NTN1: variants seen among roughly 807,000 people sequenced by gnomAD.
The protein encoded by NTN1 is netrin 1.
In NTN1, 11 loss-of-function variants were observed where a neutral mutation model predicts 54.2. The ratio of observed to expected loss-of-function variants is 0.20; its 90% CI spans 0.13 to 0.34. The LOEUF (loss-of-function observed/expected upper bound fraction) is 0.34. Ranked by LOEUF, NTN1 falls within the 10% of genes least tolerant of loss-of-function variation. The probability of loss-of-function intolerance (pLI) is 1.00; values close to 1 mark genes in which losing one functional copy is unlikely to be tolerated. For missense variants in NTN1, 740 were observed against 893.1 expected (o/e 0.83, Z 2.18); for synonymous variants, 371 against 382.0 (o/e 0.97, Z 0.33).
chr17:9,050,275 T>A (rs997341245), intron 2 of NTN1, among the ~76,000 whole-genome samples: 3 of 150,736 alleles, frequency 2.0e-5, no homozygotes, highest in South Asian at 4.2e-4. Flanking sequence ...AAAAATAAAA[T>A]AAAAATAAAT....
intron 2 of NTN1, among the ~76,000 whole-genome samples, chr17:9,090,440 C>T (rs185571143): frequency 6.6e-6 from 1 of 152,252 alleles, no homozygotes; most frequent in African/African-American, 2.4e-5. Context: ...TCCCAGAGTG[C>T]TGGGATTACA....
intron 2 of NTN1, among the ~76,000 whole-genome samples, chr17:9,106,496 C>G (rs1162614056): frequency 9.0e-5 from 13 of 145,010 alleles, no homozygotes; most frequent in African/African-American, 3.3e-4. Context: ...TTCCTTCCTT[C>G]CTTCCTTCCT....
chr17:9,235,525 G>C (rs1173233580), intron 6 of NTN1, among the ~76,000 whole-genome samples: 1 of 152,264 alleles, frequency 6.6e-6, no homozygotes, highest in South Asian at 2.1e-4. Context: ...TCAGTTCTGG[G>C]CTGCTGCAAC....
chr17:9,075,530 TTAAA>T (rs1222204410), intron 2 of NTN1, among the ~76,000 whole-genome samples: 1 of 152,098 alleles, frequency 6.6e-6, no homozygotes, highest in Middle Eastern at 3.4e-3. Context: ...TAAAAAAAAC[TTAAA>T]TAAAACGGGG....
At chr17:9,077,680 T>A (rs1297920734) in intron 2 of NTN1, among the ~76,000 whole-genome samples, 8 of 152,168 alleles carry the variant, frequency 5.3e-5, no homozygotes, top group Non-Finnish European at 8.8e-5. Flanking sequence ...TTACTGCTAA[T>A]AAAATATCCA....
chr17:9,103,613 G>A (rs2092157053), intron 2 of NTN1, among the ~76,000 whole-genome samples: 1 of 152,082 alleles, frequency 6.6e-6, no homozygotes, highest in East Asian at 1.9e-4. Context: ...TCAATTAAGC[G>A]TCTTTCCTTT....
chr17:9,094,407 G>T (rs973635150), intron 2 of NTN1, among the ~76,000 whole-genome samples: 2 of 151,902 alleles, frequency 1.3e-5, no homozygotes, highest in Non-Finnish European at 2.9e-5. Context: ...GAGTCAGAGG[G>T]TGTGTGTGTA....
chr17:9,180,901 A>C (rs575322480), intron 4 of NTN1, among the ~76,000 whole-genome samples: 1 of 152,342 alleles, frequency 6.6e-6, no homozygotes, highest in African/African-American at 2.4e-5. Context: ...CAGTTTGTCA[A>C]AATCCTTCTG....
chr17:9,154,262 T>C (rs746673285), intron 2 of NTN1, among the ~76,000 whole-genome samples: 8 of 152,240 alleles, frequency 5.3e-5, no homozygotes, highest in Non-Finnish European at 1.2e-4. Flanking sequence ...GGGACCATGA[T>C]TGTCCTGCTC....
rs55880198 is a variant in NTN1 at position 9,096,366 on chromosome 17, C to CCTTTTTTTTTTTTTTTTT, written c.1019-66447_1019-66446insCTTTTTTTTTTTTTTTTT. ...TGTCTTCCTGGGTTTTATGGGTAGA[C>CCTTTTTTTTTTTTTTTTT]TTTTTTTTTTTTTTTTTTTTTTGAG... On this transcript the variant is annotated intron_variant, in intron 2 of 6. Transcript: ENST00000173229. Among the ~76,000 whole-genome samples the CCTTTTTTTTTTTTTTTTT allele has an allele frequency of 2.2e-5, 2 of 91,510 alleles. 1 individual carries two copies. Among genetic ancestry groups the CCTTTTTTTTTTTTTTTTT allele is most frequent in the Non-Finnish European group, 4.1e-5 (2 of 49,116 alleles). 60.0% of individuals were successfully genotyped at this position (91,510 alleles called of 152,430 possible). A position where few individuals can be genotyped will look rare whatever the true frequency, so the allele number is the denominator to read the frequency against.
intron 2 of NTN1, among the ~76,000 whole-genome samples, chr17:9,157,702 C>T (rs2092346993): frequency 6.6e-6 from 1 of 152,214 alleles, no homozygotes; most frequent in Admixed American, 6.5e-5. Flanking sequence ...CTGTGGGTGT[C>T]TGGGGTACCC....
At position 9,134,646 on chromosome 17, in the gene NTN1, C is replaced by T. The variant is rs143546301; in HGVS notation, c.1019-28167C>T. Among the ~76,000 whole-genome samples, 599 of 152,312 alleles carry T rather than the reference C, an allele frequency of 3.9e-3. 7 individuals are homozygous for T. The highest frequency in any genetic ancestry group is 0.014 in the African/African-American group (572 of 41,550). ...CATGAGAATAGACAGTCTTTCTGCT[C>T]TGGGCGGCCCTGAGCTTTCAGGGGT... On this transcript the variant is annotated intron_variant, in intron 2 of 6. Transcript: ENST00000173229.
At chr17:9,005,564 A>G in the NTN1 span, among the ~76,000 whole-genome samples, 2 of 152,160 alleles carry the variant, frequency 1.3e-5, no homozygotes, top group African/African-American at 2.4e-5. Context: ...AGGTGGTATA[A>G]GGACCATATT....
intron 5 of NTN1, chr17:9,183,238 T>C (rs1263611206): frequency 4.5e-6 from 3 of 667,012 alleles, no homozygotes; most frequent in Non-Finnish European, 5.6e-6. Context: ...TCCTTCTACT[T>C]GTCCACCAGC....
intron 3 of NTN1, 80 bp from the exon 4 acceptor site, chr17:9,179,727 G>A: frequency 1.3e-6 from 2 of 1,521,004 alleles, no homozygotes; most frequent in South Asian, 1.3e-5. Context: ...CATGGAGGCA[G>A]CCCTGGGTAG....
At chr17:9,087,710 GCT>G (rs1229981850) in intron 2 of NTN1, among the ~76,000 whole-genome samples, 2 of 152,230 alleles carry the variant, frequency 1.3e-5, no homozygotes, top group African/African-American at 4.8e-5. Context: ...AGAGTTCTCA[GCT>G]CTCTTTTCTC....
Position 9,089,413 on chromosome 17 carries a change from TAAA to T in NTN1, c.1018+66036_1018+66038del, listed in dbSNP as rs71135940. On this transcript the variant is annotated intron_variant, in intron 2 of 6. Transcript: ENST00000173229. ...CTGGGCGGCAGAGCAAGATTCCATC[TAAA>T]AAAAAAAAAAAAATTAAGGACATAT... Among the ~76,000 whole-genome samples the T allele has an allele frequency of 1.4e-3, 210 of 147,826 alleles. 1 individual carries two copies. In the East Asian group the frequency reaches 0.017, roughly 12 times the overall value.
In NTN1 at chr17:9,197,035, ATT is replaced by A. The variant is rs111242916; in HGVS notation, c.1411+14077_1411+14078del. On this transcript the variant is annotated intron_variant, in intron 5 of 6. Coordinates refer to ENST00000173229, the MANE Select transcript of NTN1 (RefSeq NM_004822.3). Reference sequence around the variant, plus strand: ...AGTTGACAAATGGTAAAATCAAAGCATTTTTTTTTTTTAGTTCCCCAGAGAGC... The same window carrying A: ...AGTTGACAAATGGTAAAATCAAAGCATTTTTTTTTTAGTTCCCCAGAGAGC... Among the ~76,000 whole-genome samples, 736 of 146,482 alleles carry A rather than the reference ATT, an allele frequency of 5.0e-3. 5 individuals are homozygous for A. The highest frequency in any genetic ancestry group is 0.017 in the African/African-American group (700 of 40,144).
chr17:9,108,882 T>G (rs2092179039), intron 2 of NTN1, among the ~76,000 whole-genome samples: 1 of 152,326 alleles, frequency 6.6e-6, no homozygotes, highest in African/African-American at 2.4e-5. Context: ...TCTTTTCTTT[T>G]CTTTCTTTTT....
Sources: allele counts gnomAD v4.1 joint callset (sites outside exome capture counted in the v4.1 genomes callset), GRCh38; gene constraint gnomAD v4.1.1; transcripts MANE v1.5; gene names NCBI Gene and HGNC (gene_info 2026-07-23, HGNC 2026-07-21).